The following SIGLEC12 variants were observed in gnomAD, a reference collection of about 807,000 sequenced individuals.
SIGLEC12 encodes sialic acid binding Ig like lectin 12.
SIGLEC12 carries 43 observed loss-of-function variants against 54.1 expected under a neutral mutation model. That is an observed-to-expected ratio of 0.80 (90% CI 0.62 to 1.03). SIGLEC12 has a LOEUF of 1.03. SIGLEC12 is among the 50% of genes least tolerant of loss of function. SIGLEC12 has a pLI of 0.00. For synonymous variants in SIGLEC12, 357 were observed against 307.6 expected (o/e 1.16, Z -1.68); for missense variants, 802 against 735.2 (o/e 1.09, Z -1.05).
At chr19:51,492,704 A>G (rs1472245617) in intron 7 of SIGLEC12, among the ~76,000 whole-genome samples, 2 of 152,178 alleles carry the variant, frequency 1.3e-5, no homozygotes, top group Non-Finnish European at 2.9e-5. Context: ...ACTTGCAGAC[A>G]GAGGGAGGGT....
chr19:51,497,528 C>T, intron 5 of SIGLEC12, 83 bp from the exon 6 acceptor site: 1 of 996,876 alleles, frequency 1.0e-6, no homozygotes, highest in Non-Finnish European at 1.5e-6. Flanking sequence ...GGGCCCCAGA[C>T]TTGGGTACCC....
chr19:51,495,303 G>A (rs868195339), intron 7 of SIGLEC12, among the ~76,000 whole-genome samples: 4 of 106,720 alleles, frequency 3.7e-5, no homozygotes, highest in East Asian at 2.6e-4. Context: ...ATGGACGGAC[G>A]GACGGGTGGG....
rs748335945 is a variant in SIGLEC12 at position 51,491,678 on chromosome 19, A to G, written c.1751T>C (p.Ile584Thr). 1.2e-6 allele frequency: 2 copies of G among 1,613,316 alleles called. 1 individual carries two copies. The highest frequency in any genetic ancestry group is 3.3e-5 in the Admixed American group (2 of 59,942). Residue 584 changes from isoleucine to threonine, a missense_variant, in exon 8 of 8, where the codon ATC (isoleucine) becomes ACC (threonine). Transcript: ENST00000291707. ...GTTGATCTCGGAGTACTCATAGCCG[A>G]TGGCCTCCTGTTCCTGTGGGTACTG... ...RPQYPQEQEA[I>T]GYEYSEINIP... is the part of the protein sequence containing the mutation.
intron 7 of SIGLEC12, among the ~76,000 whole-genome samples, chr19:51,492,105 C>A (rs192393156): frequency 8.0e-4 from 121 of 152,116 alleles, no homozygotes; most frequent in Admixed American, 2.9e-3. Flanking sequence ...GGTTAAGTAC[C>A]CTGCGCAAAC....
chr19:51,497,520 GC>G, intron 5 of SIGLEC12, 75 bp from the exon 6 acceptor site: 1 of 1,119,886 alleles, frequency 8.9e-7, no homozygotes, highest in Non-Finnish European at 1.3e-6. Flanking sequence ...TGCCTGTAGG[GC>G]CCCAGACTTG....
chr19:51,500,086 C>G lies in SIGLEC12; in HGVS notation c.642G>C (p.Glu214Asp). Residue 214 changes from glutamate (E) to aspartate (D), a missense_variant, in exon 2 of 8, where the codon GAG becomes GAC. By Grantham distance (45) the Glu-to-Asp change is conservative (BLOSUM62 2). Transcript: ENST00000291707. ...GGAGGAGGAATCGACCGTGGGTATC[C>G]TCTTGCACTTTTCCACTTGGGGTGT... ...ATNTPSGKVQ[E>D]DTHGRFLLLG... 1 of 1,614,150 alleles carries G rather than the reference C, an allele frequency of 6.2e-7. No individual in the cohort carries two copies.
intron 4 of SIGLEC12, among the ~76,000 whole-genome samples, chr19:51,498,720 C>A (rs929833602): frequency 2.0e-5 from 3 of 152,320 alleles, no homozygotes; most frequent in Admixed American, 6.5e-5. Context: ...ATCAAACCAC[C>A]TCTGAGATCT....
intron 7 of SIGLEC12, among the ~76,000 whole-genome samples, chr19:51,494,031 T>C (rs1029997528): frequency 6.6e-6 from 1 of 152,214 alleles, no homozygotes; most frequent in Non-Finnish European, 1.5e-5. Context: ...ACAGACGTCC[T>C]TGTGGATCCT....
At chr19:51,496,842 A>C in intron 7 of SIGLEC12, 38 bp downstream of exon 7, 1 of 1,607,616 alleles carries the variant, frequency 6.2e-7, no homozygotes, top group South Asian at 1.1e-5. Context: ...GCCTGGGAGA[A>C]AGCAGGGGAG....
chr19:51,495,281 A>G (rs1264725169), intron 7 of SIGLEC12, among the ~76,000 whole-genome samples: 4 of 117,138 alleles, frequency 3.4e-5, no homozygotes, highest in African/African-American at 9.5e-5. Flanking sequence ...GGATGGATGG[A>G]TGGATGGATG....
In SIGLEC12 at chr19:51,499,161, C is replaced by G. The variant is rs1370672260; in HGVS notation, c.1135+9G>C. 6.2e-7 allele frequency: 1 copy of G among 1,613,912 alleles called. No individual in the cohort carries two copies. Among genetic ancestry groups the G allele is most frequent in the Non-Finnish European group, 8.5e-7 (1 of 1,179,936 alleles). On this transcript the variant is annotated intron_variant, in intron 4 of 7. Coordinates refer to ENST00000291707, the MANE Select transcript of SIGLEC12 (RefSeq NM_053003.4). ...CTCCTCCAGCCCCAGGGAGAGGACT[C>G]CATCTTACCTGTGCCATCTCCTTGG...
In SIGLEC12 at chr19:51,499,993, C is replaced by G. The variant is rs1211659347; in HGVS notation, c.735G>C (p.Lys245Asn). ...IRDARKGDSG[K>N]YYFQVERGSR... ...TTCCTCTCTCCACCTGGAAGTAGTA[C>G]TTCCCTGAATCCCCCTTCCTGGCAT... The change falls in exon 2 of 8, where the codon AAG (lysine) becomes AAC (asparagine). Residue 245 changes from lysine (K) to asparagine (N), a missense_variant. By Grantham distance (94) the Lys-to-Asn change is moderately conservative (BLOSUM62 0). Coordinates refer to ENST00000291707, the MANE Select transcript of SIGLEC12 (RefSeq NM_053003.4). 6.2e-7 allele frequency: 1 copy of G among 1,614,072 alleles called. No individual in the cohort carries two copies. Among genetic ancestry groups the G allele is most frequent in the African/African-American group, 1.3e-5 (1 of 74,934 alleles).
intron 4 of SIGLEC12, 115 bp downstream of exon 4, chr19:51,499,055 A>AGG: frequency 9.8e-7 from 1 of 1,023,738 alleles, no homozygotes. Flanking sequence ...AGGCTGAGGG[A>AGG]GGGGGGGGCC....
rs1427083670 is a variant in SIGLEC12, at chr19:51,500,459, G to C, written c.428-159C>G. 3 of 1,357,468 alleles carry C rather than the reference G, an allele frequency of 2.2e-6. No individual in the cohort carries two copies. In the African/African-American group the frequency reaches 4.3e-5, roughly 20 times the overall value. 84.1% of individuals were successfully genotyped at this position (1,357,468 alleles called of 1,614,324 possible). A position where few individuals can be genotyped will look rare whatever the true frequency, so the allele number is the denominator to read the frequency against. On this transcript the variant is annotated intron_variant, in intron 1 of 7. Coordinates refer to ENST00000291707, the MANE Select transcript of SIGLEC12 (RefSeq NM_053003.4). Reference sequence around the variant, plus strand: ...GGCAGGGCTGTGGGACCCACAGGGGGCTGGAGAGGAGCTGGAGACCTCAGC... The same window carrying C: ...GGCAGGGCTGTGGGACCCACAGGGGCCTGGAGAGGAGCTGGAGACCTCAGC...
Position 51,491,480 on chromosome 19 carries a change from G to C in SIGLEC12, c.*161C>G. On this transcript the variant is annotated 3_prime_UTR_variant, in exon 8 of 8. Transcript: ENST00000291707. ...TGGACCGATTGGATGGAGAAAGGGAGAGTTTGGTCATCAGGCACGCATTTT... is the reference window on the plus strand; with the variant it reads ...TGGACCGATTGGATGGAGAAAGGGACAGTTTGGTCATCAGGCACGCATTTT... The C allele has an allele frequency of 1.5e-6, 1 of 672,052 alleles. No homozygotes were observed. The highest frequency in any genetic ancestry group is 2.8e-5 in the East Asian group (1 of 35,186). 41.6% of individuals were successfully genotyped at this position (672,052 alleles called of 1,614,324 possible).
chr19:51,500,373 T>C (rs775919776), intron 1 of SIGLEC12, 73 bp from the exon 2 acceptor site: 1 of 1,612,112 alleles, frequency 6.2e-7, no homozygotes, highest in Non-Finnish European at 8.5e-7. Flanking sequence ...GGCAGCAGCA[T>C]CTCTGAGGCA....
In SIGLEC12 at chr19:51,491,671, A is replaced by G. The variant is rs780496383; in HGVS notation, c.1758T>C (p.Tyr586=). The G allele has an allele frequency of 6.2e-7, 1 of 1,613,472 alleles. No individual in the cohort carries two copies. Among genetic ancestry groups the G allele is most frequent in the East Asian group, 2.2e-5 (1 of 44,838 alleles). Residue 586 remains tyrosine, a synonymous_variant, in exon 8 of 8, where the codon TAT becomes TAC. Transcript: ENST00000291707. ...QYPQEQEAIG[Y]EYSEINIPK ...TGGGGATGTTGATCTCGGAGTACTC[A>G]TAGCCGATGGCCTCCTGTTCCTGTG...
At position 51,498,153 on chromosome 19, in the gene SIGLEC12, G is replaced by T. The variant is rs1174519595; in HGVS notation, c.1270C>A (p.Gln424Lys). The change falls in exon 5 of 8, where the codon CAG becomes AAG. Residue 424 changes from glutamine to lysine, a missense_variant. Coordinates refer to ENST00000291707, the MANE Select transcript of SIGLEC12 (RefSeq NM_053003.4). ...TCCAGCACCCCAAGGTTCGAGGACT[G>T]TGAGGGGCTCAGGGTCAGGCTCCCC... ...TWGSLTLSPS[Q>K]SSNLGVLELP... is the part of the protein sequence containing the mutation. 1 of 1,614,258 alleles carries T rather than the reference G, an allele frequency of 6.2e-7. No individual in the cohort carries two copies. The highest frequency in any genetic ancestry group is 8.5e-7 in the Non-Finnish European group (1 of 1,180,046).
rs779742246 is a variant in SIGLEC12 at position 51,500,244 on chromosome 19, G to A, written c.484C>T (p.Gln162Ter). 6 of 1,614,144 alleles carry A rather than the reference G, an allele frequency of 3.7e-6. No individual in the cohort carries two copies. Among genetic ancestry groups the A allele is most frequent in the African/African-American group, 1.3e-5 (1 of 75,014 alleles). Reference protein sequence around the residue: ...RLEVPESVTVQEGLCVSVPCS... With the variant: ...RLEVPESVTV ...GGCACAGAGACACACAGACCCTCCT[G>A]CACAGTCACCGACTCTGGCACCTCC... The change falls in exon 2 of 8, where the codon CAG (glutamine) becomes TAG (stop). Residue 162 changes from glutamine (Q) to a stop codon, truncating the protein, a stop_gained. Transcript: ENST00000291707. LOFTEE classifies it high-confidence loss of function.
Sources: allele counts gnomAD v4.1 joint callset (sites outside exome capture counted in the v4.1 genomes callset), GRCh38; gene constraint gnomAD v4.1.1; transcripts MANE v1.5; gene names NCBI Gene and HGNC (gene_info 2026-07-23, HGNC 2026-07-21).